The following DST variants were observed in gnomAD, a reference collection of about 807,000 sequenced individuals.
DST encodes bullous pemphigoid antigen.
In DST, 253 loss-of-function variants were observed where a neutral mutation model predicts 875.2. The observed-to-expected ratio is 0.29, with a 90% CI of 0.26 to 0.32. The LOEUF (loss-of-function observed/expected upper bound fraction) is 0.32. Among genes scored for constraint, DST ranks in the 10% least tolerant of loss-of-function variants. The pLI is 1.00. For synonymous variants in DST, 3,124 were observed against 3,197.1 expected (o/e 0.98, Z 0.77); for missense variants, 8,287 against 9,111.6 (o/e 0.91, Z 3.68).
rs1223805849 is a variant in DST at position 56,609,129 on chromosome 6, G to A, written c.5499C>T (p.Cys1833=). ...SHGLIDEQIL[C]QLKELSKAKE... Reference sequence around the variant, plus strand: ...TAGCTTTACTTAGTTCTTTGAGTTGGCACAGAATTTGTTCATCAATAAGGC... The same window carrying A: ...TAGCTTTACTTAGTTCTTTGAGTTGACACAGAATTTGTTCATCAATAAGGC... The change falls in exon 40 of 104, where the codon TGC becomes TGT. Residue 1833 remains cysteine (C), a synonymous_variant. Coordinates refer to ENST00000680361, the MANE Select transcript of DST (RefSeq NM_001374736.1). The A allele has an allele frequency of 6.2e-7, 1 of 1,613,780 alleles. No individual in the cohort carries two copies.
intron 4 of DST, among the ~76,000 whole-genome samples, chr6:56,741,724 G>A (rs1008769598): frequency 3.1e-4 from 47 of 152,126 alleles, no homozygotes; most frequent in African/African-American, 1.1e-3. Context: ...AGTTAGAGAT[G>A]TCTAACACTG....
chr6:56,644,957 T>G (rs1174133923), intron 15 of DST, among the ~76,000 whole-genome samples: 3 of 152,192 alleles, frequency 2.0e-5, no homozygotes, highest in African/African-American at 7.2e-5. Flanking sequence ...TGAATAAGTC[T>G]CAAGAGATCT....
At position 56,515,527 on chromosome 6, in the gene DST, T is replaced by C; in HGVS notation, c.18499A>G (p.Thr6167Ala). 2.5e-6 allele frequency: 4 copies of C among 1,613,954 alleles called. No homozygotes were observed. Among genetic ancestry groups the C allele is most frequent in the African/African-American group, 1.3e-5 (1 of 75,040 alleles). Residue 6167 changes from threonine (T) to alanine (A), a missense_variant, in exon 72 of 104, where the codon ACA becomes GCA. Thr to Ala is a moderately conservative substitution (Grantham distance 58). Around this residue, in one of 10 missense-constraint regions of DST, gnomAD observed 1,292 missense variants for 1,552.7 expected, o/e 0.83. Coordinates refer to ENST00000680361, the MANE Select transcript of DST (RefSeq NM_001374736.1). Reference protein sequence around the residue: ...YEELWPWLTETQSIISQLPAP... With the variant: ...YEELWPWLTEAQSIISQLPAP... Reference sequence around the variant, plus strand: ...GGAAGCTGAGAGATGATTGATTGTGTTTCTGTCAGCCATGGCCAAAGTTCT... The same window carrying C: ...GGAAGCTGAGAGATGATTGATTGTGCTTCTGTCAGCCATGGCCAAAGTTCT...
chr6:56,536,944 C>A lies in DST; in HGVS notation c.16609-4G>T. 6.2e-7 allele frequency: 1 copy of A among 1,612,936 alleles called. No homozygotes were observed. Among genetic ancestry groups the A allele is most frequent in the Non-Finnish European group, 8.5e-7 (1 of 1,179,260 alleles). On this transcript the variant is annotated splice_region_variant and splice_polypyrimidine_tract_variant and intron_variant, in intron 61 of 103. Transcript: ENST00000680361. The stretch of plus-strand genomic sequence containing the variant: ...CAATCTCTTCTTTCTGGAATACCTG[C>A]AGTTAAAAGAGTAATAATTATATGA...
intron 88 of DST, 193 bp downstream of exon 88, chr6:56,485,119 A>G (rs1023523100): frequency 5.2e-6 from 3 of 581,210 alleles, no homozygotes; most frequent in Non-Finnish European, 8.7e-6. Flanking sequence ...CTGACACTAA[A>G]TAATACTTCC....
At chr6:56,589,309 A>G (rs901936141) in intron 49 of DST, among the ~76,000 whole-genome samples, 3 of 152,168 alleles carry the variant, frequency 2.0e-5, no homozygotes, top group Admixed American at 2.0e-4. Context: ...TGACAATTAT[A>G]TTCAGGAGAG....
intron 90 of DST, among the ~76,000 whole-genome samples, chr6:56,478,072 C>G (rs1403198630): frequency 6.6e-6 from 1 of 152,050 alleles, no homozygotes; most frequent in Non-Finnish European, 1.5e-5. Context: ...AAATAACTCT[C>G]CCAAATTTAG....
chr6:56,645,747 A>G (rs2098938794), intron 15 of DST, 119 bp downstream of exon 15: 1 of 1,207,448 alleles, frequency 8.3e-7, no homozygotes. Context: ...TGGAGGATCA[A>G]AAGGATTAAG....
At chr6:56,517,056 G>T in intron 71 of DST, 142 bp downstream of exon 71, 1 of 678,194 alleles carries the variant, frequency 1.5e-6, no homozygotes. Context: ...CTATAAACTT[G>T]AAAAATGCCT....
rs539830067 is a variant in DST at position 56,616,969 on chromosome 6, C to T, written c.4930-2485G>A. On this transcript the variant is annotated intron_variant, in intron 36 of 103. Coordinates refer to ENST00000680361, the MANE Select transcript of DST (RefSeq NM_001374736.1). The stretch of plus-strand genomic sequence containing the variant: ...CCTGAGCTTCTAAAAATGCCAAAGC[C>T]ACCATTTTGTCTATTATGATTCTCT... 7.7e-4 allele frequency: 1,233 copies of T among 1,604,304 alleles called. 15 individuals are homozygous for T. The South Asian group carries it at 0.013, about 17-fold the overall frequency.
chr6:56,649,937 A>G (rs11967796), intron 12 of DST, among the ~76,000 whole-genome samples: 24,136 of 152,064 alleles, frequency 0.16, 4,718 homozygotes, highest in African/African-American at 0.47. Flanking sequence ...GATCAGCATG[A>G]AGGTTGGGAG....
intron 10 of DST, among the ~76,000 whole-genome samples, chr6:56,660,098 G>A (rs138859195): frequency 1.3e-5 from 2 of 152,222 alleles, no homozygotes; most frequent in Admixed American, 6.5e-5. Context: ...GTGAGGAAGA[G>A]AAGGGTTAAT....
chr6:56,889,225 T>C (rs2127656986), intron 3 of DST, among the ~76,000 whole-genome samples: 1 of 152,328 alleles, frequency 6.6e-6, no homozygotes, highest in South Asian at 2.1e-4. Context: ...CAAATAATTC[T>C]CACATCTTCC....
At chr6:56,738,343 C>G (rs1433256485) in intron 4 of DST, among the ~76,000 whole-genome samples, 1 of 151,992 alleles carries the variant, frequency 6.6e-6, no homozygotes, top group African/African-American at 2.4e-5. Context: ...TTTTTTGAGA[C>G]AAAATCTTGC....
intron 10 of DST, among the ~76,000 whole-genome samples, chr6:56,655,959 A>G (rs1367044414): frequency 6.6e-6 from 1 of 152,236 alleles, no homozygotes; most frequent in African/African-American, 2.4e-5. Flanking sequence ...TATATCCTCA[A>G]TATCTAGCAT....
At chr6:56,924,990 A>G (rs1041317256) in intron 2 of DST, among the ~76,000 whole-genome samples, 2 of 152,228 alleles carry the variant, frequency 1.3e-5, no homozygotes, top group African/African-American at 4.8e-5. Context: ...TTATAATTAG[A>G]ACACCTGTAA....
intron 3 of DST, among the ~76,000 whole-genome samples, chr6:56,880,436 C>T (rs1451679411): frequency 6.6e-6 from 1 of 152,108 alleles, no homozygotes; most frequent in East Asian, 1.9e-4. Context: ...GCCTGTAATC[C>T]CAGCACTTTG....
chr6:56,469,783 G>C, intron 97 of DST, 100 bp downstream of exon 97: 3 of 1,051,594 alleles, frequency 2.9e-6, no homozygotes, highest in East Asian at 2.4e-5. Flanking sequence ...AGGTAAAAAA[G>C]TAAATAAATA....
chr6:56,519,006 C>T (rs1362731223), intron 69 of DST, among the ~76,000 whole-genome samples: 2 of 152,088 alleles, frequency 1.3e-5, no homozygotes, highest in African/African-American at 4.8e-5. Context: ...GGTAAGTACA[C>T]CTACAAATCC....
Sources: allele counts gnomAD v4.1 joint callset (sites outside exome capture counted in the v4.1 genomes callset), GRCh38; gene constraint gnomAD v4.1.1; regional missense constraint gnomAD v4.1.1; transcripts MANE v1.5; gene names NCBI Gene and HGNC (gene_info 2026-07-23, HGNC 2026-07-21).